LAMC3: variants seen among roughly 807,000 people sequenced by gnomAD.
LAMC3 encodes laminin subunit gamma 3.
Under a neutral mutation model 173.8 loss-of-function variants are expected in LAMC3, and 128 were observed. The ratio of observed to expected loss-of-function variants is 0.74; its 90% confidence interval spans 0.64 to 0.85. The LOEUF (loss-of-function observed/expected upper bound fraction) is 0.85, where lower values mean the gene tolerates loss of function less well. LAMC3 is among the 40% of genes least tolerant of loss of function. The probability of loss-of-function intolerance (pLI) is 0.00; values close to 1 mark genes in which losing one functional copy is unlikely to be tolerated. For missense variants in LAMC3, 2,022 were observed against 2,156.0 expected, an observed-to-expected ratio of 0.94 and a Z score of 1.23; for synonymous variants, 897 against 909.1, an observed-to-expected ratio of 0.99 and a Z score of 0.24.
At chr9:131,067,316 C>T in intron 14 of LAMC3, 111 bp downstream of exon 14, 1 of 1,345,990 alleles carries the variant, frequency 7.4e-7, no homozygotes, top group Non-Finnish European at 1.0e-6. Flanking sequence ...CCAGCTGGCT[C>T]CTCTGCAAGG....
At position 131,029,952 on chromosome 9, in the gene LAMC3, T is replaced by C. The variant is rs1308142285; in HGVS notation, c.679-2093T>C. 6.6e-6 allele frequency among the ~76,000 whole-genome samples: 1 copy of C among 151,924 alleles called. No individual in the cohort carries two copies. The highest frequency in any genetic ancestry group is 1.5e-5 in the Non-Finnish European group (1 of 67,928). On this transcript the variant is annotated intron_variant, in intron 2 of 27. Transcript: ENST00000361069. The surrounding 1 kb of genome is among the most constrained non-coding windows in gnomAD (Gnocchi z 4.6). ...GATTGCCCTAAAATGACTTTTTTTT[T>C]TTTTTTTTGAGACAGTTTCGCTCTG...
chr9:131,077,338 A>C lies in LAMC3; in HGVS notation c.3777+4A>C, dbSNP rs1222924727. 1 of 1,613,664 alleles carries C rather than the reference A, an allele frequency of 6.2e-7. No individual in the cohort carries two copies. Among genetic ancestry groups the C allele is most frequent in the Admixed American group, 1.7e-5 (1 of 60,022 alleles). Reference sequence around the variant, plus strand: ...GCTGGCTTCCCCGGGAGCTCTGGTCAGCTCAGTTGTCTCAGAGCTCCGTGT... The same window carrying C: ...GCTGGCTTCCCCGGGAGCTCTGGTCCGCTCAGTTGTCTCAGAGCTCCGTGT... On this transcript the variant is annotated splice_donor_region_variant and intron_variant, in intron 22 of 27. Transcript: ENST00000361069.
chr9:131,046,742 C>T (rs550029408), intron 8 of LAMC3, among the ~76,000 whole-genome samples: 3 of 151,948 alleles, frequency 2.0e-5, no homozygotes, highest in Non-Finnish European at 4.4e-5. Flanking sequence ...AGGAAAGCAG[C>T]AGAGCTCGGA....
At chr9:131,091,451 G>C (rs1168577007) in intron 27 of LAMC3, 86 bp from the exon 28 acceptor site, 2 of 1,525,416 alleles carry the variant, frequency 1.3e-6, no homozygotes, top group African/African-American at 2.8e-5. Context: ...GGAGGCCTGA[G>C]CTGGGGAGAG....
intron 12 of LAMC3, 42 bp from the exon 13 acceptor site, chr9:131,060,993 G>A (rs751650780): frequency 6.2e-7 from 1 of 1,605,840 alleles, no homozygotes; most frequent in African/African-American, 1.3e-5. Context: ...ACCATCTCTG[G>A]GCATTCTGGG....
rs1173160104 is a variant in LAMC3 at position 131,052,481 on chromosome 9, T to C, written c.1631-10T>C. On this transcript the variant is annotated splice_polypyrimidine_tract_variant and intron_variant, in intron 9 of 27. Coordinates refer to ENST00000361069, the MANE Select transcript of LAMC3 (RefSeq NM_006059.4). ...TGAAGACTGTCAAAGCCTTCTTCTCTTGTCTTCAGAGAAGTTCCTGGGAGA... is the reference window on the plus strand; with the variant it reads ...TGAAGACTGTCAAAGCCTTCTTCTCCTGTCTTCAGAGAAGTTCCTGGGAGA... The C allele has an allele frequency of 1.2e-6, 2 of 1,611,674 alleles. No homozygotes were observed. The highest frequency in any genetic ancestry group is 3.3e-5 in the Admixed American group (2 of 60,028).
chr9:131,073,585 A>G (rs1830074362), intron 20 of LAMC3, among the ~76,000 whole-genome samples: 1 of 152,164 alleles, frequency 6.6e-6, no homozygotes, highest in Non-Finnish European at 1.5e-5. Context: ...TATACAAGTT[A>G]TTATATTGGG....
At chr9:131,083,718 A>G (rs185907429) in intron 24 of LAMC3, among the ~76,000 whole-genome samples, 2 of 152,280 alleles carry the variant, frequency 1.3e-5, no homozygotes, top group Non-Finnish European at 2.9e-5. Flanking sequence ...TCCACACAAT[A>G]CATGCTGAGA....
In LAMC3 at chr9:131,024,241, G is replaced by T. The variant is rs528193518; in HGVS notation, c.374-2044G>T. Reference sequence around the variant, plus strand: ...GCTCACTGCAAACTCCACCTCTTGGGTTCAAGCAATTCTCCTGCCTCAGCC... The same window carrying T: ...GCTCACTGCAAACTCCACCTCTTGGTTTCAAGCAATTCTCCTGCCTCAGCC... On this transcript the variant is annotated intron_variant, in intron 1 of 27. Coordinates refer to ENST00000361069, the MANE Select transcript of LAMC3 (RefSeq NM_006059.4). 2.1e-3 allele frequency among the ~76,000 whole-genome samples: 321 copies of T among 150,716 alleles called. 3 individuals carry two copies. Among genetic ancestry groups the T allele is most frequent in the African/African-American group, 7.5e-3 (307 of 40,720 alleles).
chr9:131,050,265 G>A (rs1444448298), intron 9 of LAMC3, among the ~76,000 whole-genome samples: 1 of 152,250 alleles, frequency 6.6e-6, no homozygotes, highest in Non-Finnish European at 1.5e-5. Flanking sequence ...CCGCTCCCGG[G>A]GCACCCTGAG....
chr9:131,060,469 C>T (rs1275448999), intron 12 of LAMC3, among the ~76,000 whole-genome samples: 2 of 152,052 alleles, frequency 1.3e-5, no homozygotes. Flanking sequence ...CATGGTGAAA[C>T]CCCATTTCTA....
chr9:131,035,058 C>T (rs1010744034), intron 3 of LAMC3, among the ~76,000 whole-genome samples: 1 of 152,202 alleles, frequency 6.6e-6, no homozygotes, highest in African/African-American at 2.4e-5. Flanking sequence ...CCAAGCAATT[C>T]TCCTGCTTCA....
chr9:131,057,408 G>C (rs1829704084), intron 12 of LAMC3, among the ~76,000 whole-genome samples: 1 of 152,254 alleles, frequency 6.6e-6, no homozygotes, highest in African/African-American at 2.4e-5. Context: ...TAAGCCAGCT[G>C]CTCTGTGGGC....
At chr9:131,061,429 CAGAATTTGGGCCATTG>C (rs936983213) in intron 13 of LAMC3, among the ~76,000 whole-genome samples, 4 of 152,340 alleles carry the variant, frequency 2.6e-5, no homozygotes, top group African/African-American at 7.2e-5. Flanking sequence ...ACATTGCCAG[CAGAATTTGGGCCATTG>C]AGAATTTGGG....
chr9:131,060,908 T>A lies in LAMC3; in HGVS notation c.2159-127T>A, dbSNP rs1829795085. 4 of 894,564 alleles carry A rather than the reference T, an allele frequency of 4.5e-6. No individual in the cohort carries two copies. In the East Asian group the frequency reaches 1.0e-4, roughly 23 times the overall value. The allele number at this position is 894,564 out of a possible 1,614,324, so 55.4% of individuals were successfully genotyped here. ...TGGACCCTCAATCCCCAGGCCTTGC[T>A]GCCTCTGCCTGGGAAAGGTCCCCAC... On this transcript the variant is annotated intron_variant, in intron 12 of 27. Transcript: ENST00000361069.
chr9:131,089,181 G>C (rs1011768802), intron 27 of LAMC3, among the ~76,000 whole-genome samples: 3 of 120,666 alleles, frequency 2.5e-5, no homozygotes, highest in Admixed American at 1.9e-4. Context: ...GTCATCGGGT[G>C]GGGGGAGGGG....
intron 27 of LAMC3, among the ~76,000 whole-genome samples, chr9:131,090,554 C>T (rs1830406907): frequency 6.6e-6 from 1 of 152,194 alleles, no homozygotes; most frequent in Non-Finnish European, 1.5e-5. Context: ...AATCCAGGGC[C>T]TCGGGGATCC....
intron 4 of LAMC3, among the ~76,000 whole-genome samples, chr9:131,036,594 G>A (rs1027260792): frequency 1.3e-5 from 2 of 152,070 alleles, no homozygotes; most frequent in Non-Finnish European, 2.9e-5. Flanking sequence ...TGGGAGGGCC[G>A]GAAGGTCCCC....
chr9:131,075,075 G>A (rs1830100202), intron 20 of LAMC3, among the ~76,000 whole-genome samples: 1 of 151,672 alleles, frequency 6.6e-6, no homozygotes, highest in Non-Finnish European at 1.5e-5. Context: ...ACCAGCTTGG[G>A]CAAGATGGTG....
Sources: allele counts gnomAD v4.1 joint callset (sites outside exome capture counted in the v4.1 genomes callset), GRCh38; gene constraint gnomAD v4.1.1; non-coding constraint Gnocchi (gnomAD v3.1); transcripts MANE v1.5; gene names NCBI Gene and HGNC (gene_info 2026-07-23, HGNC 2026-07-21).